Variants in THRB observed in about 807,000 individuals in gnomAD.
The protein encoded by THRB is thyroid hormone receptor beta.
In THRB, 12 loss-of-function variants were observed where a neutral mutation model predicts 47.8. The ratio of observed to expected loss-of-function variants is 0.25; its 90% CI spans 0.16 to 0.41. THRB has a LOEUF of 0.41. Ranked by LOEUF, THRB falls within the 10% of genes least tolerant of loss-of-function variation. The pLI is 1.00. For synonymous variants in THRB, 218 were observed against 212.2 expected, an observed-to-expected ratio of 1.03 and a Z score of -0.24; for missense variants, 348 against 589.2, an observed-to-expected ratio of 0.59 and a Z score of 4.24.
intron 1 of THRB, among the ~76,000 whole-genome samples, chr3:24,486,038 C>T (rs1697239385): frequency 6.6e-6 from 1 of 152,202 alleles, no homozygotes; most frequent in Non-Finnish European, 1.5e-5. Flanking sequence ...TTCCAAACGT[C>T]TACACCAGCT....
intron 1 of THRB, among the ~76,000 whole-genome samples, chr3:24,411,752 C>G (rs546090702): frequency 5.9e-5 from 9 of 151,716 alleles, no homozygotes; most frequent in African/African-American, 2.2e-4. Context: ...GAGGATGGTG[C>G]TACTGGAAAC....
chr3:24,294,629 G>C (rs1197427449), intron 3 of THRB, among the ~76,000 whole-genome samples: 1 of 152,170 alleles, frequency 6.6e-6, no homozygotes, highest in Non-Finnish European at 1.5e-5. Context: ...AGGTGACTCT[G>C]AGCGGACAGC....
chr3:24,371,592 G>A (rs760045357), intron 1 of THRB, among the ~76,000 whole-genome samples: 1 of 152,102 alleles, frequency 6.6e-6, no homozygotes, highest in Non-Finnish European at 1.5e-5. Context: ...TAGTGTGGAT[G>A]AGTGTTGGCC....
At chr3:24,380,458 A>G (rs1324297462) in intron 1 of THRB, among the ~76,000 whole-genome samples, 1 of 151,794 alleles carries the variant, frequency 6.6e-6, no homozygotes, top group Non-Finnish European at 1.5e-5. Flanking sequence ...TCCATTTACT[A>G]CTTCTTTGAT....
chr3:24,210,650 G>A (rs550770974), intron 4 of THRB, among the ~76,000 whole-genome samples: 12 of 152,276 alleles, frequency 7.9e-5, no homozygotes, highest in South Asian at 2.1e-4. Context: ...GATTCAAAGC[G>A]TTCATCCTCT....
intron 5 of THRB, among the ~76,000 whole-genome samples, chr3:24,184,553 A>G (rs1449320366): frequency 6.6e-6 from 1 of 152,054 alleles, no homozygotes; most frequent in Non-Finnish European, 1.5e-5. Context: ...CAATCTCGTG[A>G]GTAGCTTTTC....
At chr3:24,382,708 A>G (rs2065807705) in intron 1 of THRB, among the ~76,000 whole-genome samples, 1 of 152,184 alleles carries the variant, frequency 6.6e-6, no homozygotes, top group Admixed American at 6.6e-5. Flanking sequence ...TCTCTTTCCA[A>G]TCATTACTAA....
At chr3:24,423,558 C>T (rs1297518759) in intron 1 of THRB, among the ~76,000 whole-genome samples, 2 of 151,812 alleles carry the variant, frequency 1.3e-5, no homozygotes, top group East Asian at 3.9e-4. Context: ...TGCCCTTCAA[C>T]ACTCATTCTT....
intron 3 of THRB, among the ~76,000 whole-genome samples, chr3:24,267,394 G>T (rs1166239407): frequency 6.6e-6 from 1 of 151,260 alleles, no homozygotes; most frequent in Non-Finnish European, 1.5e-5. Context: ...ACTTGAATCT[G>T]CAGATCAAAA....
intron 1 of THRB, among the ~76,000 whole-genome samples, chr3:24,368,900 T>C (rs928320384): frequency 1.3e-5 from 2 of 152,188 alleles, no homozygotes; most frequent in African/African-American, 4.8e-5. Context: ...AACCCTTGCA[T>C]TTAAGTGGAG....
intron 5 of THRB, among the ~76,000 whole-genome samples, chr3:24,176,272 T>C (rs2149409124): frequency 6.6e-6 from 1 of 152,314 alleles, no homozygotes; most frequent in East Asian, 1.9e-4. Context: ...TTCCCCTTAA[T>C]GTGTTAAGAT....
intron 3 of THRB, among the ~76,000 whole-genome samples, chr3:24,266,791 T>C (rs778175034): frequency 2.0e-5 from 3 of 152,174 alleles, no homozygotes; most frequent in East Asian, 3.9e-4. Context: ...ACCCATACTC[T>C]AGTAGAGTGA....
At chr3:24,317,812 T>G (rs1324066311) in intron 2 of THRB, among the ~76,000 whole-genome samples, 1 of 152,124 alleles carries the variant, frequency 6.6e-6, no homozygotes, top group Non-Finnish European at 1.5e-5. Context: ...ATCCCAGCAT[T>G]TTGAGAGTCC....
rs1294256149 is a variant in THRB at position 24,152,414 on chromosome 3, G to T, written c.360C>A (p.Arg120=). The T allele has an allele frequency of 6.2e-7, 1 of 1,612,710 alleles. No individual in the cohort carries two copies. Among genetic ancestry groups the T allele is most frequent in the Non-Finnish European group, 8.5e-7 (1 of 1,178,834 alleles). The change falls in exon 6 of 11, where the codon CGC becomes CGA. Residue 120 remains arginine, a synonymous_variant. Transcript: ENST00000646209. ...CGDKATGYHY[R]CITCEGCKGF... ...CCTTGCAGCCTTCACACGTGATACAGCGGTAGTGATACCCGGTGGCTTTGT... is the reference window on the plus strand; with the variant it reads ...CCTTGCAGCCTTCACACGTGATACATCGGTAGTGATACCCGGTGGCTTTGT...
chr3:24,488,714 T>C (rs2125939175), intron 1 of THRB, among the ~76,000 whole-genome samples: 1 of 152,296 alleles, frequency 6.6e-6, no homozygotes, highest in East Asian at 1.9e-4. Context: ...TAAAAGAATA[T>C]ACTTCAAGAT....
intron 6 of THRB, among the ~76,000 whole-genome samples, chr3:24,148,479 C>G (rs562015477): frequency 5.7e-4 from 87 of 152,296 alleles, no homozygotes; most frequent in African/African-American, 2.0e-3. Flanking sequence ...CCAGGCTGGT[C>G]TCCAACACCT....
At position 24,122,953 on chromosome 3, in the gene THRB, G is replaced by A; in HGVS notation, c.1317C>T (p.Phe439=). 2 of 1,614,200 alleles carry A rather than the reference G, an allele frequency of 1.2e-6. No homozygotes were observed. Among genetic ancestry groups the A allele is most frequent in the Non-Finnish European group, 1.7e-6 (2 of 1,180,040 alleles). The change falls in exon 11 of 11, where the codon TTC becomes TTT. Residue 439 remains phenylalanine, a synonymous_variant. Transcript: ENST00000646209. ...TGGGGCATTCCACCTTCATGTGCAG[G>A]AAGCGGCTGGCATGGCAGGCTCCTA... The part of the protein sequence containing the change: ...RMIGACHASR[F]LHMKVECPTE...
At chr3:24,351,115 T>C (rs2063330607) in intron 1 of THRB, among the ~76,000 whole-genome samples, 1 of 152,060 alleles carries the variant, frequency 6.6e-6, no homozygotes, top group Non-Finnish European at 1.5e-5. Context: ...TTGTGTATAG[T>C]TGTAGATCAG....
intron 1 of THRB, among the ~76,000 whole-genome samples, chr3:24,359,497 A>T (rs2063923514): frequency 6.6e-6 from 1 of 152,118 alleles, no homozygotes; most frequent in African/African-American, 2.4e-5. Flanking sequence ...AGCCTGCCCA[A>T]ATTCAAGGGG....
Sources: allele counts gnomAD v4.1 joint callset (sites outside exome capture counted in the v4.1 genomes callset), GRCh38; gene constraint gnomAD v4.1.1; transcripts MANE v1.5; gene names NCBI Gene and HGNC (gene_info 2026-07-23, HGNC 2026-07-21).